The following OSBPL5 variants were observed in gnomAD, a reference collection of about 807,000 sequenced individuals.
OSBPL5 encodes oxysterol-binding protein-related protein 5.
OSBPL5 carries 71 observed loss-of-function variants against 111.2 expected under a neutral mutation model. The ratio of observed to expected loss-of-function variants is 0.64; its 90% CI spans 0.53 to 0.78. The LOEUF (loss-of-function observed/expected upper bound fraction) is 0.78. Ranked by LOEUF, OSBPL5 falls within the 30% of genes least tolerant of loss-of-function variation. The pLI, the probability that OSBPL5 is intolerant of heterozygous loss-of-function variation, is 0.00. For synonymous variants in OSBPL5, 549 were observed against 513.9 expected (o/e 1.07, Z -0.93); for missense variants, 1,210 against 1,189.3 (o/e 1.02, Z -0.26).
At chr11:3,099,013 G>C (rs1352404973) in intron 14 of OSBPL5, among the ~76,000 whole-genome samples, 1 of 152,112 alleles carries the variant, frequency 6.6e-6, no homozygotes, top group African/African-American at 2.4e-5. Context: ...ATGTTGCCCA[G>C]GCTGGTCTTG....
chr11:3,157,564 C>A lies in OSBPL5; in HGVS notation c.-22+7652G>T, dbSNP rs538565729. On this transcript the variant is annotated intron_variant, in intron 1 of 21. Transcript: ENST00000263650. ...GCCCCAGCCAGCTTGACTGGGGTGG[C>A]TCCACAGGCCAGCCCTGTGCTCAGC... Among the ~76,000 whole-genome samples, 16 of 152,358 alleles carry A rather than the reference C, an allele frequency of 1.1e-4. 1 individual carries two copies. Among genetic ancestry groups the A allele is most frequent in the African/African-American group, 3.4e-4 (14 of 41,588 alleles).
Position 3,093,812 on chromosome 11 carries a change from G to A in OSBPL5, c.1743C>T (p.Ser581=), listed in dbSNP as rs577937421. ...TGATCTTTCCCGAGATCTGGTTGAT[G>A]CTGGTGCTACCCCCGAAGAAGGGCT... The part of the protein sequence containing the change: ...KLKPFFGGST[S]INQISGKITS... The change falls in exon 16 of 22, where the codon AGC becomes AGT. Residue 581 remains serine (S), a synonymous_variant. Transcript: ENST00000263650. The A allele has an allele frequency of 8.7e-5, 140 of 1,612,726 alleles. 2 individuals carry two copies. In the South Asian group the frequency reaches 1.4e-3, roughly 16 times the overall value.
In OSBPL5 at chr11:3,109,750, G is replaced by C. The variant is rs531406766; in HGVS notation, c.692-1805C>G. ...GGCAGTGGATGGTGGTGGGGAGCTG[G>C]AGGGGTCACAACTGCCGAGTTGGCC... is the stretch of plus-strand genomic sequence containing the variant. On this transcript the variant is annotated intron_variant, in intron 7 of 21. Coordinates refer to ENST00000263650, the MANE Select transcript of OSBPL5 (RefSeq NM_020896.4). The surrounding 1 kb of genome is among the most constrained non-coding windows in gnomAD (Gnocchi z 7.4). Among the ~76,000 whole-genome samples the C allele has an allele frequency of 6.6e-4, 100 of 152,244 alleles. No individual in the cohort carries two copies. The highest frequency in any genetic ancestry group is 1.1e-3 in the Admixed American group (17 of 15,300).
Position 3,119,886 on chromosome 11 carries a change from G to A in OSBPL5, c.607-255C>T, listed in dbSNP as rs1025931958. The A allele has an allele frequency of 5.9e-6, 3 of 506,362 alleles. No individual in the cohort carries two copies. In the Admixed American group the frequency reaches 1.2e-4, roughly 20 times the overall value. 31.4% of individuals were successfully genotyped at this position (506,362 alleles called of 1,614,324 possible). A position where few individuals can be genotyped will look rare whatever the true frequency, so the allele number is the denominator to read the frequency against. ...TTCCAGCTCTGAGCCTCCTGACTTGGGCTGTCCAGAATCAGCAAAGGCACA... is the reference window on the plus strand; with the variant it reads ...TTCCAGCTCTGAGCCTCCTGACTTGAGCTGTCCAGAATCAGCAAAGGCACA... On this transcript the variant is annotated intron_variant, in intron 6 of 21. Transcript: ENST00000263650.
intron 10 of OSBPL5, among the ~76,000 whole-genome samples, chr11:3,103,941 G>A (rs1042731632): frequency 2.8e-5 from 4 of 143,932 alleles, no homozygotes; most frequent in Admixed American, 7.3e-5. Context: ...CATCCAGCTC[G>A]AGGGTGCAGG....
At position 3,140,346 on chromosome 11, in the gene OSBPL5, G is replaced by T. The variant is rs2134508769; in HGVS notation, c.-21-11177C>A. Among the ~76,000 whole-genome samples, 1 of 152,312 alleles carries T rather than the reference G, an allele frequency of 6.6e-6. No individual in the cohort carries two copies. The highest frequency in any genetic ancestry group is 1.9e-4 in the East Asian group (1 of 5,176). ...GCCAAGCTCTCCCCTGTATCCCTCA[G>T]GTGCTGGACAGGCAGGGTAGGGCTC... On this transcript the variant is annotated intron_variant, in intron 1 of 21. Transcript: ENST00000263650. The surrounding 1 kb of genome is among the most constrained non-coding windows in gnomAD (Gnocchi z 4.5).
Position 3,126,987 on chromosome 11 carries a change from G to C in OSBPL5, c.137-432C>G, listed in dbSNP as rs954060422. ...GATGCTGCCGGCCCCTGCGTGCTGG[G>C]CTCTTGCTGGGAGGTGGTCAGCCCT... On this transcript the variant is annotated intron_variant, in intron 2 of 21. Transcript: ENST00000263650. The surrounding 1 kb of genome is among the most constrained non-coding windows in gnomAD (Gnocchi z 6.5). Among the ~76,000 whole-genome samples, 1 of 152,220 alleles carries C rather than the reference G, an allele frequency of 6.6e-6. No individual in the cohort carries two copies. The highest frequency in any genetic ancestry group is 6.5e-5 in the Admixed American group (1 of 15,282).
intron 19 of OSBPL5, among the ~76,000 whole-genome samples, chr11:3,091,414 C>A (rs1306339758): frequency 6.6e-6 from 1 of 152,048 alleles, no homozygotes; most frequent in Non-Finnish European, 1.5e-5. Context: ...AGAGGCGGGG[C>A]AGGTGGGTTT....
Position 3,162,900 on chromosome 11 carries a change from TC to T in OSBPL5, c.-22+2315del, listed in dbSNP as rs1325721788. ...TGGCCCTCACTTGTACCCCCCAACA[TC>T]TACCCCCCAGCACACTGGTGCACTC... is the stretch of plus-strand genomic sequence containing the variant. On this transcript the variant is annotated intron_variant, in intron 1 of 21. Transcript: ENST00000263650. The surrounding 1 kb of genome is among the most constrained non-coding windows in gnomAD (Gnocchi z 8.1). Among the ~76,000 whole-genome samples the T allele has an allele frequency of 6.6e-6, 1 of 150,596 alleles. No individual in the cohort carries two copies. The highest frequency in any genetic ancestry group is 2.0e-4 in the East Asian group (1 of 5,034).
rs774192603 is a variant in OSBPL5 at position 3,114,591 on chromosome 11, A to ACTTTTTTTTTTTTTTTTTTT, written c.691+4955_691+4956insAAAAAAAAAAAAAAAAAAAG. ...GACTAAAGAATTGGTTAGAACAATG[A>ACTTTTTTTTTTTTTTTTTTT]TTTTTTTTTTTTTTTTTTTTTTTTT... is the stretch of plus-strand genomic sequence containing the variant. On this transcript the variant is annotated intron_variant, in intron 7 of 21. Coordinates refer to ENST00000263650, the MANE Select transcript of OSBPL5 (RefSeq NM_020896.4). Among the ~76,000 whole-genome samples the ACTTTTTTTTTTTTTTTTTTT allele has an allele frequency of 2.5e-4, 28 of 113,900 alleles. 12 individuals are homozygous for ACTTTTTTTTTTTTTTTTTTT. The highest frequency in any genetic ancestry group is 4.6e-4 in the African/African-American group (13 of 28,388). 74.7% of individuals were successfully genotyped at this position (113,900 alleles called of 152,430 possible). A position where few individuals can be genotyped will look rare whatever the true frequency, so the allele number is the denominator to read the frequency against.
intron 7 of OSBPL5, among the ~76,000 whole-genome samples, chr11:3,119,194 A>G (rs573017567): frequency 1.3e-5 from 2 of 151,978 alleles, no homozygotes; most frequent in South Asian, 2.1e-4. Flanking sequence ...ATTTTTTAGT[A>G]GAGTCGGGGT....
chr11:3,096,616 CAA>C (rs71035478), intron 14 of OSBPL5, among the ~76,000 whole-genome samples: 4 of 136,618 alleles, frequency 2.9e-5, no homozygotes, highest in Admixed American at 7.3e-5. Flanking sequence ...AAGACTCTGT[CAA>C]AAAAAAAAAA....
chr11:3,094,454 G>A (rs796071313), intron 14 of OSBPL5, 120 bp from the exon 15 acceptor site: 38 of 717,314 alleles, frequency 5.3e-5, no homozygotes, highest in South Asian at 4.6e-4. Context: ...CCGATCCCTG[G>A]GAGGCCTGTG....
At position 3,101,790 on chromosome 11, in the gene OSBPL5, G is replaced by A. The variant is rs933775424; in HGVS notation, c.1426-91C>T. 9.7e-6 allele frequency: 10 copies of A among 1,028,070 alleles called. No homozygotes were observed. In the African/African-American group the frequency reaches 1.6e-4, roughly 16 times the overall value. The allele number at this position is 1,028,070 out of a possible 1,614,324, so 63.7% of individuals were successfully genotyped here. On this transcript the variant is annotated intron_variant, in intron 12 of 21. Coordinates refer to ENST00000263650, the MANE Select transcript of OSBPL5 (RefSeq NM_020896.4). ...AGCTTCCCCCAAAAAACCTGTCCCT[G>A]TCCCTGACGCCACATCTTCTCCCCC...
At chr11:3,131,238 G>T (rs773050757) in intron 1 of OSBPL5, among the ~76,000 whole-genome samples, 4 of 152,092 alleles carry the variant, frequency 2.6e-5, no homozygotes, top group Admixed American at 6.6e-5. Context: ...GGACTTCTTA[G>T]TCTGTGAGTG....
At position 3,161,451 on chromosome 11, in the gene OSBPL5, A is replaced by G. The variant is rs931173821; in HGVS notation, c.-22+3765T>C. ...GTGAAACCAGGACATGGTGGGTGGG[A>G]CTTGCTAGATGGGGGCAGCCAGTCT... On this transcript the variant is annotated intron_variant, in intron 1 of 21. Coordinates refer to ENST00000263650, the MANE Select transcript of OSBPL5 (RefSeq NM_020896.4). The surrounding 1 kb of genome is among the most constrained non-coding windows in gnomAD (Gnocchi z 8.0). 1 of 152,144 alleles carries G rather than the reference A, an allele frequency of 6.6e-6. No homozygotes were observed. Among genetic ancestry groups the G allele is most frequent in the Non-Finnish European group, 1.5e-5 (1 of 68,032 alleles). The allele number at this position is 152,144 out of a possible 1,614,324, so 9.4% of individuals were successfully genotyped here. A position where few individuals can be genotyped will look rare whatever the true frequency, so the allele number is the denominator to read the frequency against.
At position 3,102,179 on chromosome 11, in the gene OSBPL5, TTGCC is replaced by T; in HGVS notation, c.1425_1425+3del. On this transcript the variant is annotated splice_donor_variant and splice_donor_region_variant and coding_sequence_variant and intron_variant, in exon 12 of 22. Transcript: ENST00000263650. LOFTEE classifies it high-confidence loss of function. ...CAGGCCGGTTGCAGCAGAGGTGCTC[TTGCC>T]TGCTCTGCTATGTAGAATGTGCGGC... 1 of 1,593,026 alleles carries T rather than the reference TTGCC, an allele frequency of 6.3e-7. No individual in the cohort carries two copies. Among genetic ancestry groups the T allele is most frequent in the Non-Finnish European group, 8.5e-7 (1 of 1,170,382 alleles).
chr11:3,108,664 C>T (rs1036321064), intron 7 of OSBPL5, among the ~76,000 whole-genome samples: 6 of 152,250 alleles, frequency 3.9e-5, no homozygotes, highest in Admixed American at 2.0e-4. Context: ...CTGTGGGGCA[C>T]GTGTCCACCT....
chr11:3,125,502 G>A (rs921726486), intron 3 of OSBPL5, among the ~76,000 whole-genome samples: 3 of 152,286 alleles, frequency 2.0e-5, no homozygotes, highest in Admixed American at 6.5e-5. Context: ...CTTCATACCC[G>A]CTAGGATAGC....
Sources: gnomAD v4.1 joint callset for allele counts (sites outside exome capture counted in the v4.1 genomes callset) on GRCh38, gnomAD v4.1.1 for gene constraint, Gnocchi (gnomAD v3.1) non-coding constraint, MANE v1.5 for transcripts, NCBI Gene and HGNC (gene_info 2026-07-23, HGNC 2026-07-21) for gene names.